The following SLC16A7 variants were observed in gnomAD, a reference collection of about 807,000 sequenced individuals.
The protein encoded by SLC16A7 is solute carrier family 16 member 7, also known as monocarboxylate transporter 2.
Under a neutral mutation model 34.9 loss-of-function variants are expected in SLC16A7, and 33 were observed. That is an observed-to-expected ratio of 0.94 (90% confidence interval 0.72 to 1.26). SLC16A7 has a LOEUF of 1.26. SLC16A7 is among the 50% of genes most tolerant of loss of function. The pLI is 0.00. For missense variants in SLC16A7, 573 were observed against 578.1 expected (o/e 0.99, Z 0.09); for synonymous variants, 201 against 206.6 (o/e 0.97, Z 0.23).
chr12:59,697,362 T>A (rs1872420667), intron 2 of SLC16A7, among the ~76,000 whole-genome samples: 1 of 151,974 alleles, frequency 6.6e-6, no homozygotes, highest in African/African-American at 2.4e-5. Flanking sequence ...TAGAGGAGGA[T>A]ATGTAGTTGT....
At chr12:59,624,252 T>C (rs370569307) in intron 1 of SLC16A7, among the ~76,000 whole-genome samples, 3 of 151,688 alleles carry the variant, frequency 2.0e-5, no homozygotes, top group African/African-American at 4.8e-5. Flanking sequence ...ATAATCACCA[T>C]TGTTAATTTT....
intron 3 of SLC16A7, among the ~76,000 whole-genome samples, chr12:59,767,947 G>C (rs1565710674): frequency 7.7e-6 from 1 of 129,816 alleles, no homozygotes; most frequent in Admixed American, 8.1e-5. Context: ...CTGTCGTGGG[G>C]TGGGGGGAAG....
At position 59,774,702 on chromosome 12, in the gene SLC16A7, G is replaced by A. The variant is rs750421578; in HGVS notation, c.407G>A (p.Gly136Asp). 7 of 1,605,906 alleles carry A rather than the reference G, an allele frequency of 4.4e-6. No homozygotes were observed. The highest frequency in any genetic ancestry group is 4.2e-6 in the Non-Finnish European group (5 of 1,177,746). The part of the protein sequence containing the change: ...FNLQPALTII[G>D]KYFYRKRPMA... ...CTGCAACCCGCCTTAACCATAATTG[G>A]CAAATACTTCTATAGGAAGCGACCC... The change falls in exon 5 of 6, where the codon GGC becomes GAC. Residue 136 changes from glycine to aspartate, a missense_variant. Transcript: ENST00000547379.
At chr12:59,763,477 A>T (rs1269143770) in intron 3 of SLC16A7, among the ~76,000 whole-genome samples, 1 of 152,172 alleles carries the variant, frequency 6.6e-6, no homozygotes, top group East Asian at 1.9e-4. Flanking sequence ...CCATCTGATT[A>T]ACAAAAAGAT....
At chr12:59,644,202 A>G (rs992098562) in intron 1 of SLC16A7, among the ~76,000 whole-genome samples, 1 of 152,190 alleles carries the variant, frequency 6.6e-6, no homozygotes, top group Non-Finnish European at 1.5e-5. Flanking sequence ...AAACAAAGCA[A>G]AGCAAAACTA....
chr12:59,613,180 C>A (rs1879280254), intron 1 of SLC16A7, among the ~76,000 whole-genome samples: 1 of 152,244 alleles, frequency 6.6e-6, no homozygotes, highest in Non-Finnish European at 1.5e-5. Context: ...GAAGGGGAAG[C>A]AAACACTTCC....
At chr12:59,749,444 C>A (rs968332649) in intron 3 of SLC16A7, among the ~76,000 whole-genome samples, 1 of 152,156 alleles carries the variant, frequency 6.6e-6, no homozygotes, top group African/African-American at 2.4e-5. Flanking sequence ...CCCAAAACCC[C>A]ACGAATTCAG....
chr12:59,734,602 C>T (rs553122324), intron 3 of SLC16A7, among the ~76,000 whole-genome samples: 5 of 152,322 alleles, frequency 3.3e-5, no homozygotes, highest in South Asian at 2.1e-4. Flanking sequence ...TGGCCCCTGC[C>T]GGCTTTGCAC....
intron 3 of SLC16A7, among the ~76,000 whole-genome samples, chr12:59,758,680 T>C (rs925867474): frequency 3.3e-5 from 5 of 152,136 alleles, no homozygotes; most frequent in Non-Finnish European, 5.9e-5. Flanking sequence ...TAAACCACTG[T>C]CTCATATGAT....
chr12:59,766,425 G>C (rs1288836142), intron 3 of SLC16A7, among the ~76,000 whole-genome samples: 1 of 152,114 alleles, frequency 6.6e-6, no homozygotes, highest in African/African-American at 2.4e-5. Flanking sequence ...TAAAGGGAAT[G>C]CTTCCAGTTT....
At chr12:59,604,257 A>G (rs1878827800) in intron 1 of SLC16A7, among the ~76,000 whole-genome samples, 1 of 152,254 alleles carries the variant, frequency 6.6e-6, no homozygotes, top group Admixed American at 6.5e-5. Flanking sequence ...AAATCAAGGT[A>G]TATATAGCGA....
At chr12:59,729,274 A>G (rs990133686) in intron 3 of SLC16A7, among the ~76,000 whole-genome samples, 2 of 152,220 alleles carry the variant, frequency 1.3e-5, no homozygotes, top group Non-Finnish European at 2.9e-5. Flanking sequence ...ATCTATTGGT[A>G]TTATAACTCA....
At chr12:59,747,555 G>A (rs903277142) in intron 3 of SLC16A7, among the ~76,000 whole-genome samples, 1 of 152,126 alleles carries the variant, frequency 6.6e-6, no homozygotes, top group Non-Finnish European at 1.5e-5. Flanking sequence ...AGGCCAAATG[G>A]AGGGAAACAA....
At position 59,737,836 on chromosome 12, in the gene SLC16A7, A is replaced by G. The variant is rs182164169; in HGVS notation, c.217+32818A>G. ...TCCTGTCAACTCTTATACCAACCCA[A>G]CAAATGGAATAGTTCCTTTCTTCTC... is the stretch of plus-strand genomic sequence containing the variant. On this transcript the variant is annotated intron_variant, in intron 3 of 5. Transcript: ENST00000547379. Among the ~76,000 whole-genome samples the G allele has an allele frequency of 1.1e-3, 169 of 152,234 alleles. 2 individuals carry two copies. The highest frequency in any genetic ancestry group is 4.0e-3 in the African/African-American group (165 of 41,542).
chr12:59,649,990 A>C (rs1868313875), intron 1 of SLC16A7, among the ~76,000 whole-genome samples: 1 of 152,034 alleles, frequency 6.6e-6, no homozygotes, highest in East Asian at 1.9e-4. Flanking sequence ...TATTAGTAAA[A>C]ATTTTATAGA....
intron 3 of SLC16A7, among the ~76,000 whole-genome samples, chr12:59,752,812 C>T (rs1340096366): frequency 6.6e-6 from 1 of 152,040 alleles, no homozygotes; most frequent in Non-Finnish European, 1.5e-5. Context: ...GTCAGATTCA[C>T]CAAAGTTGAA....
intron 3 of SLC16A7, among the ~76,000 whole-genome samples, chr12:59,716,058 G>T (rs1442696157): frequency 6.6e-6 from 1 of 152,136 alleles, no homozygotes; most frequent in African/African-American, 2.4e-5. Context: ...TCACTAGAAG[G>T]GTGTTAAGTG....
At chr12:59,634,463 A>G (rs1366988706) in intron 1 of SLC16A7, among the ~76,000 whole-genome samples, 3 of 152,050 alleles carry the variant, frequency 2.0e-5, no homozygotes, top group East Asian at 3.9e-4. Flanking sequence ...ATTCATAGCC[A>G]AGGAGCAGGG....
chr12:59,767,961 G>A, intron 3 of SLC16A7, among the ~76,000 whole-genome samples: 1 of 126,734 alleles, frequency 7.9e-6, no homozygotes, highest in Non-Finnish European at 1.6e-5. Context: ...GGGGAAGGGG[G>A]AGGGATAGCA....
Sources: allele counts gnomAD v4.1 joint callset (sites outside exome capture counted in the v4.1 genomes callset), GRCh38; gene constraint gnomAD v4.1.1; transcripts MANE v1.5; gene names NCBI Gene and HGNC (gene_info 2026-07-23, HGNC 2026-07-21).